SH3RF3: variants seen among roughly 807,000 people sequenced by gnomAD.
SH3RF3 encodes the protein E3 ubiquitin-protein ligase SH3RF3.
A neutral mutation model predicts 66.3 loss-of-function variants in SH3RF3; 29 were observed. The observed-to-expected ratio is 0.44, with a 90% confidence interval of 0.33 to 0.60. The LOEUF (loss-of-function observed/expected upper bound fraction) is 0.60. Ranked by LOEUF, SH3RF3 falls within the 20% of genes least tolerant of loss-of-function variation. The pLI is 0.04. For synonymous variants in SH3RF3, 583 were observed against 532.0 expected (o/e 1.10, Z -1.32); for missense variants, 1,194 against 1,190.9 (o/e 1.00, Z -0.04).
chr2:109,262,558 T>C (rs958811467), intron 1 of SH3RF3, among the ~76,000 whole-genome samples: 1 of 152,226 alleles, frequency 6.6e-6, no homozygotes, highest in African/African-American at 2.4e-5. Context: ...TCTTGTTTTA[T>C]TATTTTACGT....
chr2:109,158,277 G>A (rs953388596), intron 1 of SH3RF3, among the ~76,000 whole-genome samples: 2 of 152,248 alleles, frequency 1.3e-5, no homozygotes, highest in South Asian at 2.1e-4. Context: ...CCAGGCTCCC[G>A]GTTGCCACTT....
intron 1 of SH3RF3, among the ~76,000 whole-genome samples, chr2:109,342,854 A>T (rs1474245445): frequency 6.6e-6 from 1 of 152,254 alleles, no homozygotes. Flanking sequence ...CATGAAATTG[A>T]CATTATAAGT....
intron 2 of SH3RF3, among the ~76,000 whole-genome samples, chr2:109,349,008 T>C (rs1319415886): frequency 6.6e-6 from 1 of 152,226 alleles, no homozygotes; most frequent in East Asian, 1.9e-4. Context: ...TGTGTCTCTC[T>C]GTGTCAGTAT....
chr2:109,146,893 C>G (rs1332194089), intron 1 of SH3RF3, among the ~76,000 whole-genome samples: 3 of 96,864 alleles, frequency 3.1e-5, no homozygotes, highest in Admixed American at 1.2e-4. Context: ...CCTCCCCCCC[C>G]CCCCCCCCGC....
intron 7 of SH3RF3, among the ~76,000 whole-genome samples, chr2:109,445,625 G>A (rs1041837144): frequency 6.6e-6 from 1 of 152,106 alleles, no homozygotes. Flanking sequence ...ATGGGGGAAA[G>A]CTAATAAAGA....
chr2:109,248,976 G>A (rs779858799), intron 1 of SH3RF3, among the ~76,000 whole-genome samples: 1 of 151,714 alleles, frequency 6.6e-6, no homozygotes, highest in African/African-American at 2.4e-5. Flanking sequence ...CCAACTCCTG[G>A]GCCTAAGTGA....
At chr2:109,252,677 G>T (rs966422704) in intron 1 of SH3RF3, among the ~76,000 whole-genome samples, 3 of 152,206 alleles carry the variant, frequency 2.0e-5, no homozygotes, top group African/African-American at 7.2e-5. Context: ...GAACCTCATA[G>T]CTCAGCCTAG....
At chr2:109,188,243 A>T (rs967477199) in intron 1 of SH3RF3, among the ~76,000 whole-genome samples, 5 of 152,190 alleles carry the variant, frequency 3.3e-5, no homozygotes, top group African/African-American at 1.2e-4. Context: ...GGTGCCTCTG[A>T]AAACTCCACC....
chr2:109,339,101 G>A (rs539201341), intron 1 of SH3RF3, among the ~76,000 whole-genome samples: 25 of 152,288 alleles, frequency 1.6e-4, no homozygotes, highest in African/African-American at 6.0e-4. Flanking sequence ...TCTTCACGTT[G>A]TGTGGGCTGA....
chr2:109,412,925 T>C (rs1259943580), intron 4 of SH3RF3, among the ~76,000 whole-genome samples: 1 of 152,194 alleles, frequency 6.6e-6, no homozygotes, highest in Admixed American at 6.5e-5. Context: ...CCACTCTGCA[T>C]ACCCTACATG....
chr2:109,432,483 C>A lies in SH3RF3; in HGVS notation c.1404-18C>A, dbSNP rs76579681. On this transcript the variant is annotated intron_variant, in intron 5 of 9. Transcript: ENST00000309415. The stretch of plus-strand genomic sequence containing the variant: ...CAGGAGGGCTCCCACTGACACTGGC[C>A]CCATGCTTTGCCCGCAGGTACCTGG... 6.2e-7 allele frequency: 1 copy of A among 1,612,226 alleles called. No individual in the cohort carries two copies. Among genetic ancestry groups the A allele is most frequent in the Non-Finnish European group, 8.5e-7 (1 of 1,179,410 alleles).
In SH3RF3 at chr2:109,455,145, G is replaced by T. The variant is rs1184632642; in HGVS notation, c.2148+5656G>T. Among the ~76,000 whole-genome samples the T allele has an allele frequency of 2.6e-5, 4 of 152,330 alleles. No individual in the cohort carries two copies. The East Asian group carries it at 7.7e-4, about 29-fold the overall frequency. ...GCTGGCCTCCTGCCTCCTGTGTTGG[G>T]TCCAAGTGCTGACTGTGGTGGCCTC... On this transcript the variant is annotated intron_variant, in intron 8 of 9. Transcript: ENST00000309415.
intron 2 of SH3RF3, among the ~76,000 whole-genome samples, chr2:109,348,791 C>T (rs764725267): frequency 5.9e-5 from 9 of 152,190 alleles, no homozygotes; most frequent in Admixed American, 6.5e-5. Flanking sequence ...TCTTGTGTCT[C>T]CTCCATCCCC....
At chr2:109,134,573 C>T (rs567360007) in intron 1 of SH3RF3, among the ~76,000 whole-genome samples, 31 of 152,334 alleles carry the variant, frequency 2.0e-4, no homozygotes, top group African/African-American at 6.7e-4. Context: ...AAGTGTGGCT[C>T]ATCTGGTCCT....
intron 1 of SH3RF3, among the ~76,000 whole-genome samples, chr2:109,221,602 AG>A (rs1167473390): frequency 3.3e-5 from 5 of 149,564 alleles, no homozygotes; most frequent in Non-Finnish European, 5.9e-5. Context: ...AAAAAAAAAA[AG>A]TGTGCATCTT....
chr2:109,344,551 A>C (rs1360610270), intron 1 of SH3RF3, among the ~76,000 whole-genome samples: 1 of 152,176 alleles, frequency 6.6e-6, no homozygotes, highest in Non-Finnish European at 1.5e-5. Flanking sequence ...GCTCATAAGC[A>C]GCAGGTGCAT....
chr2:109,469,662 G>C (rs1394993674), intron 8 of SH3RF3, among the ~76,000 whole-genome samples: 1 of 152,164 alleles, frequency 6.6e-6, no homozygotes, highest in Non-Finnish European at 1.5e-5. Flanking sequence ...TCTGATTAAG[G>C]ACAAATCCAC....
At chr2:109,185,158 C>T (rs886083883) in intron 1 of SH3RF3, among the ~76,000 whole-genome samples, 3 of 152,214 alleles carry the variant, frequency 2.0e-5, no homozygotes, top group Admixed American at 2.0e-4. Flanking sequence ...GAGATATTTT[C>T]CTGATTGTTA....
chr2:109,419,517 G>A (rs1273480498), intron 4 of SH3RF3, 22 bp from the exon 5 acceptor site: 2 of 1,573,346 alleles, frequency 1.3e-6, no homozygotes. Flanking sequence ...CCTCACTCCT[G>A]TCCCCTCTTG....
Sources: allele counts gnomAD v4.1 joint callset (sites outside exome capture counted in the v4.1 genomes callset), GRCh38; gene constraint gnomAD v4.1.1; transcripts MANE v1.5; gene names NCBI Gene and HGNC (gene_info 2026-07-23, HGNC 2026-07-21).